Variants in PPM1F observed in about 807,000 individuals in gnomAD.
PPM1F encodes protein phosphatase, Mg2+/Mn2+ dependent 1F.
PPM1F carries 17 observed loss-of-function variants against 35.5 expected under a neutral mutation model. The observed-to-expected ratio is 0.48, with a 90% CI of 0.33 to 0.72. The LOEUF is 0.72. Ranked by LOEUF, PPM1F falls within the 30% of genes least tolerant of loss-of-function variation. The pLI, the probability that PPM1F is intolerant of heterozygous loss-of-function variation, is 0.02. For synonymous variants in PPM1F, 241 were observed against 255.5 expected, an observed-to-expected ratio of 0.94 and a Z score of 0.54; for missense variants, 521 against 613.0, an observed-to-expected ratio of 0.85 and a Z score of 1.59.
intron 2 of PPM1F, chr22:21,941,419 T>G (rs1303743476): frequency 6.6e-6 from 1 of 152,286 alleles, no homozygotes; most frequent in East Asian, 1.9e-4. Flanking sequence ...AGTGTTGAAG[T>G]TTCTATTCTG....
intron 1 of PPM1F, chr22:21,950,754 C>T (rs1043237028): frequency 2.0e-5 from 3 of 152,130 alleles, no homozygotes; most frequent in African/African-American, 7.2e-5. Flanking sequence ...TCCCTAGTAG[C>T]TGGGATTACA....
intron 1 of PPM1F, chr22:21,949,105 C>T (rs1441078061): frequency 6.6e-6 from 1 of 152,512 alleles, no homozygotes; most frequent in East Asian, 1.9e-4. Context: ...TCAATGGTGT[C>T]TGTGCCATGT....
rs780020474 is a variant in PPM1F, at chr22:21,923,114, G to A, written c.1343C>T (p.Thr448Ile). 1.2e-6 allele frequency: 2 copies of A among 1,610,346 alleles called. No homozygotes were observed. Among genetic ancestry groups the A allele is most frequent in the South Asian group, 2.2e-5 (2 of 90,818 alleles). The change falls in exon 8 of 8, where the codon ACC becomes ATC. Residue 448 changes from threonine to isoleucine, a missense_variant. Physicochemically the swap from Thr to Ile is moderately conservative, Grantham distance 89. This residue lies in a region of PPM1F where 163 missense variants were observed against 169.6 expected (regional missense o/e 0.96). Coordinates refer to ENST00000263212, the MANE Select transcript of PPM1F (RefSeq NM_014634.4). ...CACCTAGCTTCTTGGTGGAGCCTGG[G>A]TCTCAGGTTCTGGAAGGCTGGAGGG... ...DLPSSLPEPE[T>I]QAPPRS
At chr22:21,946,178 A>T in intron 1 of PPM1F, 70 bp from the exon 2 acceptor site, 1 of 701,834 alleles carries the variant, frequency 1.4e-6, no homozygotes, top group Non-Finnish European at 2.2e-6. Flanking sequence ...CCCACCTGCA[A>T]GCACCATGTG....
chr22:21,935,903 A>T (rs554116867), intron 3 of PPM1F: 1 of 152,364 alleles, frequency 6.6e-6, no homozygotes, highest in South Asian at 2.1e-4. Context: ...AGGCTGAGGC[A>T]GGAAAATTGC....
chr22:21,927,942 G>T (rs796981601), intron 6 of PPM1F, among the ~76,000 whole-genome samples: 1,169 of 74,918 alleles, frequency 0.016, 19 homozygotes, highest in African/African-American at 0.031. Context: ...TTTTTGTTTT[G>T]TTTTTTTTTT....
intron 6 of PPM1F, among the ~76,000 whole-genome samples, chr22:21,929,462 T>C (rs2070562206): frequency 6.6e-6 from 1 of 152,198 alleles, no homozygotes; most frequent in Non-Finnish European, 1.5e-5. Context: ...CAAGGCCATC[T>C]GTCCATGCTC....
chr22:21,937,337 A>G, intron 3 of PPM1F: 1 of 152,826 alleles, frequency 6.5e-6, no homozygotes, highest in Non-Finnish European at 1.5e-5. Flanking sequence ...CCATGCATCA[A>G]GGCAGGGGTG....
intron 3 of PPM1F, chr22:21,938,418 G>A (rs1040840654): frequency 2.6e-6 from 3 of 1,158,058 alleles, no homozygotes; most frequent in African/African-American, 1.7e-5. Context: ...CAGGGAATGC[G>A]GGCAGGGAGC....
chr22:21,943,713 A>G (rs1444647422), intron 2 of PPM1F: 1 of 152,462 alleles, frequency 6.6e-6, no homozygotes, highest in African/African-American at 2.4e-5. Context: ...CTTCCCTGGG[A>G]CCCTGCTCTG....
At position 21,933,511 on chromosome 22, in the gene PPM1F, G is replaced by A. The variant is rs1275839179; in HGVS notation, c.627C>T (p.Ala209=). 5.0e-6 allele frequency: 8 copies of A among 1,613,608 alleles called. No individual in the cohort carries two copies. The highest frequency in any genetic ancestry group is 2.2e-5 in the South Asian group (2 of 91,074). Residue 209 remains alanine (A), a synonymous_variant, in exon 5 of 8, where the codon GCC becomes GCT. Coordinates refer to ENST00000263212, the MANE Select transcript of PPM1F (RefSeq NM_014634.4). The stretch of plus-strand genomic sequence containing the variant: ...CAGCGTTGGTGTGCACGTGGACAGC[G>A]GCGTACCTCGCAGCATCCACGCCTC... ...GHGGVDAARY[A]AVHVHTNAAR... is the part of the protein sequence containing the mutation.
chr22:21,951,158 T>G (rs1420484100), intron 1 of PPM1F: 1 of 152,088 alleles, frequency 6.6e-6, no homozygotes, highest in Non-Finnish European at 1.5e-5. Flanking sequence ...ACTTTCTTGA[T>G]AGACTGTAAG....
intron 3 of PPM1F, chr22:21,938,242 C>A (rs1210850543): frequency 1.5e-6 from 2 of 1,301,608 alleles, no homozygotes; most frequent in African/African-American, 3.0e-5. Context: ...CGGACAGAGA[C>A]CCATCAGGCG....
chr22:21,925,486 C>T, intron 7 of PPM1F, 83 bp downstream of exon 7: 1 of 1,191,142 alleles, frequency 8.4e-7, no homozygotes, highest in Non-Finnish European at 1.2e-6. Flanking sequence ...CCTCCCTGAA[C>T]CCCTGGTGAG....
At chr22:21,932,378 T>A (rs1292927930) in intron 5 of PPM1F, among the ~76,000 whole-genome samples, 1 of 152,224 alleles carries the variant, frequency 6.6e-6, no homozygotes, top group Non-Finnish European at 1.5e-5. Flanking sequence ...TGCCTGCTTT[T>A]CACTGGGGTC....
rs1197905043 is a variant in PPM1F, at chr22:21,934,072, C to T, written c.510G>A (p.Glu170=). The T allele has an allele frequency of 1.9e-6, 3 of 1,564,984 alleles. No individual in the cohort carries two copies. The East Asian group carries it at 7.1e-5, about 37-fold the overall frequency. The change falls in exon 4 of 8, where the codon GAG becomes GAA. Residue 170 remains glutamate (E), a synonymous_variant. Coordinates refer to ENST00000263212, the MANE Select transcript of PPM1F (RefSeq NM_014634.4). ...AGGAAGGGAGGGACACGTGCCGGTC[C>T]TCCATCTTGCGGCGAGTGTTCCGGA... is the stretch of plus-strand genomic sequence containing the variant. ...HAIRNTRRKM[E]DRHVSLPSFN...
intron 6 of PPM1F, among the ~76,000 whole-genome samples, chr22:21,926,923 C>G (rs1400834151): frequency 6.6e-6 from 1 of 152,198 alleles, no homozygotes; most frequent in Non-Finnish European, 1.5e-5. Context: ...GATGCCTGCA[C>G]CAAGGACCAG....
At position 21,922,119 on chromosome 22, in the gene PPM1F, C is replaced by A. The variant is rs2070454185; in HGVS notation, c.*973G>T. The A allele has an allele frequency of 6.6e-6, 1 of 152,660 alleles. No individual in the cohort carries two copies. The allele number at this position is 152,660 out of a possible 1,614,324, so 9.5% of individuals were successfully genotyped here. On this transcript the variant is annotated 3_prime_UTR_variant, in exon 8 of 8. Transcript: ENST00000263212. ...TCAATGGGCCTATCCGAGCCCACTGCAGTCCTAGTTTCTTCAAAGCTGTGT... is the reference window on the plus strand; with the variant it reads ...TCAATGGGCCTATCCGAGCCCACTGAAGTCCTAGTTTCTTCAAAGCTGTGT...
At chr22:21,933,703 G>T in intron 4 of PPM1F, 124 bp from the exon 5 acceptor site, 1 of 870,774 alleles carries the variant, frequency 1.1e-6, no homozygotes, top group Non-Finnish European at 1.8e-6. Context: ...CGGCTTATGT[G>T]CGTATGAGGG....
Sources: gnomAD v4.1 joint callset for allele counts (sites outside exome capture counted in the v4.1 genomes callset) on GRCh38, gnomAD v4.1.1 for gene constraint, gnomAD v4.1.1 regional missense constraint, MANE v1.5 for transcripts, NCBI Gene and HGNC (gene_info 2026-07-23, HGNC 2026-07-21) for gene names.